Variants in ADGRA3 observed in about 807,000 individuals in gnomAD.
ADGRA3 encodes G-protein coupled receptor 125.
Under a neutral mutation model 119.8 loss-of-function variants are expected in ADGRA3, and 56 were observed. The ratio of observed to expected loss-of-function variants is 0.47; its 90% confidence interval spans 0.38 to 0.58. The LOEUF is 0.58. ADGRA3 is among the 20% of genes least tolerant of loss of function. The probability of loss-of-function intolerance (pLI) is 0.00; values close to 1 mark genes in which losing one functional copy is unlikely to be tolerated. For synonymous variants in ADGRA3, 607 were observed against 623.8 expected (o/e 0.97, Z 0.40); for missense variants, 1,516 against 1,649.0 (o/e 0.92, Z 1.40).
chr4:22,391,616 C>T (rs1714138776), intron 17 of ADGRA3, among the ~76,000 whole-genome samples: 1 of 151,692 alleles, frequency 6.6e-6, no homozygotes, highest in Non-Finnish European at 1.5e-5. Context: ...CATACTAGAG[C>T]CATAGCTATC....
At chr4:22,478,728 A>G (rs750890734) in intron 1 of ADGRA3, among the ~76,000 whole-genome samples, 2 of 152,184 alleles carry the variant, frequency 1.3e-5, no homozygotes, top group Non-Finnish European at 1.5e-5. Context: ...ATCCAATGCA[A>G]GTGTCCTTAA....
chr4:22,471,537 G>C (rs939351910), intron 2 of ADGRA3, among the ~76,000 whole-genome samples: 4 of 152,188 alleles, frequency 2.6e-5, no homozygotes, highest in Admixed American at 1.3e-4. Context: ...CAGCATGGGA[G>C]GCAGGTCCCA....
chr4:22,464,554 T>G (rs771589245), intron 2 of ADGRA3, among the ~76,000 whole-genome samples: 1 of 152,182 alleles, frequency 6.6e-6, no homozygotes, highest in Non-Finnish European at 1.5e-5. Flanking sequence ...GTGAATGCCA[T>G]GGCCCCAGCA....
At chr4:22,461,058 T>A (rs552063686) in intron 3 of ADGRA3, among the ~76,000 whole-genome samples, 1 of 152,214 alleles carries the variant, frequency 6.6e-6, no homozygotes. Context: ...TTGTAATATA[T>A]AGATACACAT....
chr4:22,509,154 G>A (rs978207443), intron 1 of ADGRA3, among the ~76,000 whole-genome samples: 5 of 152,126 alleles, frequency 3.3e-5, no homozygotes, highest in Admixed American at 2.6e-4. Flanking sequence ...CAGTGCTGGC[G>A]GGCTGGACAG....
intron 1 of ADGRA3, among the ~76,000 whole-genome samples, chr4:22,498,901 G>A (rs974748856): frequency 2.1e-5 from 3 of 140,732 alleles, no homozygotes; most frequent in Admixed American, 1.5e-4. Context: ...GCGACACAGC[G>A]AGACTCGTCT....
In ADGRA3 at chr4:22,479,602, C is replaced by T. The variant is rs182237710; in HGVS notation, c.258-5759G>A. ...AGACAGCATGGCGATTCCTCAAGGA[C>T]CTAGAACCAGAAATATCATTTGACC... On this transcript the variant is annotated intron_variant, in intron 1 of 18. Transcript: ENST00000334304. Among the ~76,000 whole-genome samples, 38 of 152,184 alleles carry T rather than the reference C, an allele frequency of 2.5e-4. No individual in the cohort carries two copies. The East Asian group carries it at 4.1e-3, about 16-fold the overall frequency.
chr4:22,411,102 T>G (rs1056384762), intron 14 of ADGRA3, among the ~76,000 whole-genome samples: 1 of 152,260 alleles, frequency 6.6e-6, no homozygotes, highest in Non-Finnish European at 1.5e-5. Context: ...TGGTGCAATA[T>G]CACAGCGAAG....
Position 22,508,291 on chromosome 4 carries a change from A to G in ADGRA3, c.257+7237T>C, listed in dbSNP as rs187624808. Among the ~76,000 whole-genome samples, 162 of 152,308 alleles carry G rather than the reference A, an allele frequency of 1.1e-3. 1 individual carries two copies. Among genetic ancestry groups the G allele is most frequent in the African/African-American group, 3.7e-3 (153 of 41,572 alleles). On this transcript the variant is annotated intron_variant, in intron 1 of 18. Coordinates refer to ENST00000334304, the MANE Select transcript of ADGRA3 (RefSeq NM_145290.4). Reference sequence around the variant, plus strand: ...TAAAGAATATCCCAGAATTTCCCAGACTGGGCTTCCAAGGCAAGGGTGTCA... The same window carrying G: ...TAAAGAATATCCCAGAATTTCCCAGGCTGGGCTTCCAAGGCAAGGGTGTCA...
At chr4:22,451,907 T>A (rs1717058167) in intron 4 of ADGRA3, among the ~76,000 whole-genome samples, 1 of 152,318 alleles carries the variant, frequency 6.6e-6, no homozygotes, top group South Asian at 2.1e-4. Context: ...TCTTTTCTAC[T>A]CATTGGACTG....
chr4:22,416,727 A>T (rs1240766187), intron 12 of ADGRA3, among the ~76,000 whole-genome samples: 2 of 152,190 alleles, frequency 1.3e-5, no homozygotes, highest in East Asian at 3.9e-4. Flanking sequence ...ATTCAGTTTC[A>T]GTGTTCATTT....
At chr4:22,441,836 GA>G (rs1716628288) in intron 7 of ADGRA3, among the ~76,000 whole-genome samples, 1 of 152,110 alleles carries the variant, frequency 6.6e-6, no homozygotes, top group Non-Finnish European at 1.5e-5. Context: ...GAAATCTCAA[GA>G]AAAATTATAA....
chr4:22,445,205 T>C (rs1577353196), intron 5 of ADGRA3, 72 bp from the exon 6 acceptor site: 12 of 1,382,732 alleles, frequency 8.7e-6, no homozygotes, highest in Non-Finnish European at 1.0e-5. Context: ...TATATTGGGT[T>C]ACATTTCTGG....
chr4:22,397,365 G>A (rs534971094), intron 16 of ADGRA3, among the ~76,000 whole-genome samples: 10 of 151,820 alleles, frequency 6.6e-5, no homozygotes, highest in African/African-American at 1.4e-4. Flanking sequence ...TACTTTTAGC[G>A]GAGATGGGGT....
At chr4:22,446,509 A>G (rs1028649687) in intron 5 of ADGRA3, among the ~76,000 whole-genome samples, 1 of 152,178 alleles carries the variant, frequency 6.6e-6, no homozygotes, top group Non-Finnish European at 1.5e-5. Context: ...AAAAAGAGAA[A>G]CAAGATGGAG....
rs144384338 is a variant in ADGRA3, at chr4:22,472,422, A to G, written c.329+1350T>C. ...CCTTAGCTTAGGCAGGCCTAAAGCC[A>G]AGGGTGTGATCAGCATACACTAAAG... On this transcript the variant is annotated intron_variant, in intron 2 of 18. Coordinates refer to ENST00000334304, the MANE Select transcript of ADGRA3 (RefSeq NM_145290.4). 2.0e-5 allele frequency among the ~76,000 whole-genome samples: 3 copies of G among 152,340 alleles called. 1 individual carries two copies. The East Asian group carries it at 5.8e-4, about 29-fold the overall frequency.
At chr4:22,464,565 T>A (rs533361442) in intron 2 of ADGRA3, among the ~76,000 whole-genome samples, 20 of 152,292 alleles carry the variant, frequency 1.3e-4, no homozygotes, top group African/African-American at 1.4e-4. Flanking sequence ...GGCCCCAGCA[T>A]CCCTTATCTC....
At chr4:22,470,197 T>G (rs966899108) in intron 2 of ADGRA3, among the ~76,000 whole-genome samples, 4 of 151,968 alleles carry the variant, frequency 2.6e-5, no homozygotes, top group African/African-American at 9.7e-5. Context: ...TGCATAGACT[T>G]CTAAAATAAA....
chr4:22,484,421 A>G (rs536355627), intron 1 of ADGRA3, among the ~76,000 whole-genome samples: 104 of 152,264 alleles, frequency 6.8e-4, no homozygotes, highest in African/African-American at 2.4e-3. Flanking sequence ...CCTGACCAAC[A>G]TGGTGAAACC....
Sources: allele counts gnomAD v4.1 joint callset (sites outside exome capture counted in the v4.1 genomes callset), GRCh38; gene constraint gnomAD v4.1.1; transcripts MANE v1.5; gene names NCBI Gene and HGNC (gene_info 2026-07-23, HGNC 2026-07-21).